The following PLCG2 variants were observed in gnomAD, a reference collection of about 807,000 sequenced individuals.
PLCG2 encodes the protein 1-phosphatidylinositol 4,5-bisphosphate phosphodiesterase gamma-2.
PLCG2 carries 69 observed loss-of-function variants against 175.6 expected under a neutral mutation model. The ratio of observed to expected loss-of-function variants is 0.39; its 90% CI spans 0.32 to 0.48. The LOEUF (loss-of-function observed/expected upper bound fraction) is 0.48. Ranked by LOEUF, PLCG2 falls within the 20% of genes least tolerant of loss-of-function variation. PLCG2 has a pLI of 0.91. For synonymous variants in PLCG2, 827 were observed against 624.0 expected, an observed-to-expected ratio of 1.33 and a Z score of -4.85; for missense variants, 1,798 against 1,650.9, an observed-to-expected ratio of 1.09 and a Z score of -1.54.
At chr16:81,955,055 C>G (rs879885680) in intron 31 of PLCG2, among the ~76,000 whole-genome samples, 3 of 152,190 alleles carry the variant, frequency 2.0e-5, no homozygotes, top group Non-Finnish European at 4.4e-5. Flanking sequence ...AAAGTCATTA[C>G]TAAGTGAAGT....
At chr16:81,934,300 A>G (rs1910619480) in intron 25 of PLCG2, 129 bp from the exon 26 acceptor site, 4 of 633,718 alleles carry the variant, frequency 6.3e-6, no homozygotes, top group Non-Finnish European at 1.1e-5. Context: ...GGAAAGGAAA[A>G]CATTCAACCA....
chr16:81,952,608 T>C (rs1243082584), intron 31 of PLCG2, among the ~76,000 whole-genome samples: 2 of 152,174 alleles, frequency 1.3e-5, no homozygotes, highest in African/African-American at 4.8e-5. Flanking sequence ...CTGGAACCAT[T>C]TGCATAGCAA....
chr16:81,863,640 G>T (rs1260013873), intron 5 of PLCG2, among the ~76,000 whole-genome samples: 1 of 152,198 alleles, frequency 6.6e-6, no homozygotes, highest in Non-Finnish European at 1.5e-5. Flanking sequence ...TTATTTTGCC[G>T]GATTGCTATA....
intron 29 of PLCG2, among the ~76,000 whole-genome samples, chr16:81,939,609 A>G (rs964790163): frequency 5.5e-5 from 8 of 145,214 alleles, no homozygotes; most frequent in Admixed American, 5.4e-4. Flanking sequence ...TCTGCAAACA[A>G]ACACCTCCCC....
intron 15 of PLCG2, 63 bp from the exon 16 acceptor site, chr16:81,907,622 C>T: frequency 8.3e-7 from 1 of 1,204,582 alleles, no homozygotes; most frequent in Non-Finnish European, 1.2e-6. Context: ...TGCAGGGCTC[C>T]TGGGCTCCAC....
At chr16:81,762,252 AT>A (rs1423518167) in intron 2 of PLCG2, among the ~76,000 whole-genome samples, 2 of 152,326 alleles carry the variant, frequency 1.3e-5, no homozygotes, top group East Asian at 3.9e-4. Context: ...TGTTGCTATT[AT>A]TTTTTTAAAA....
intron 2 of PLCG2, 41 bp downstream of exon 2, chr16:81,786,223 GGGCCCTGGCC>G: frequency 6.4e-7 from 1 of 1,563,074 alleles, no homozygotes; most frequent in Non-Finnish European, 8.8e-7. Flanking sequence ...CCGTCCTCTG[GGGCCCTGGCC>G]TGAGCACCTG....
In PLCG2 at chr16:81,931,548, C is replaced by G. The variant is rs1273186870; in HGVS notation, c.2633C>G (p.Pro878Arg). The G allele has an allele frequency of 6.2e-7, 1 of 1,614,018 alleles. No individual in the cohort carries two copies. Reference sequence around the variant, plus strand: ...AAGTCCTTTGTCTTCATCCTGGAGCCCAAGCAGCAGGGCGATCCTCCGGTG... The same window carrying G: ...AAGTCCTTTGTCTTCATCCTGGAGCGCAAGCAGCAGGGCGATCCTCCGGTG... Reference protein sequence around the residue: ...NQKSFVFILEPKQQGDPPVEF... With the variant: ...NQKSFVFILERKQQGDPPVEF... Residue 878 changes from proline (P) to arginine (R), a missense_variant, in exon 25 of 33, where the codon CCC becomes CGC. Pro to Arg is a moderately radical substitution (Grantham distance 103, BLOSUM62 -2). Coordinates refer to ENST00000564138, the MANE Select transcript of PLCG2 (RefSeq NM_002661.5).
At chr16:81,827,650 G>C (rs1417880894) in intron 2 of PLCG2, among the ~76,000 whole-genome samples, 1 of 152,112 alleles carries the variant, frequency 6.6e-6, no homozygotes, top group Non-Finnish European at 1.5e-5. Context: ...AAGTTCTAAG[G>C]GTGGTGGGAA....
intron 31 of PLCG2, among the ~76,000 whole-genome samples, chr16:81,946,697 G>A (rs945417292): frequency 1.3e-5 from 2 of 152,192 alleles, no homozygotes; most frequent in Non-Finnish European, 2.9e-5. Flanking sequence ...TGAGCATTTA[G>A]ATGGAATCCA....
intron 1 of PLCG2, among the ~76,000 whole-genome samples, chr16:81,784,257 T>A (rs2143166443): frequency 6.6e-6 from 1 of 152,342 alleles, no homozygotes; most frequent in Admixed American, 6.5e-5. Flanking sequence ...CCCACCTCAG[T>A]GCCTGGCATA....
chr16:81,954,902 G>A (rs1911505945), intron 31 of PLCG2, among the ~76,000 whole-genome samples: 1 of 152,110 alleles, frequency 6.6e-6, no homozygotes, highest in Admixed American at 6.5e-5. Context: ...CTAGATCCTT[G>A]AGGAACCACC....
At chr16:81,811,040 A>G (rs11150414) in intron 2 of PLCG2, among the ~76,000 whole-genome samples, 91,306 of 152,084 alleles carry the variant, frequency 0.6, 28,456 homozygotes, top group East Asian at 0.91. Context: ...CTAAGGCCAC[A>G]TTTAACCTGT....
intron 9 of PLCG2, among the ~76,000 whole-genome samples, chr16:81,885,404 C>T (rs930449180): frequency 2.6e-5 from 4 of 152,176 alleles, no homozygotes; most frequent in Non-Finnish European, 4.4e-5. Flanking sequence ...GCTCAAGTGA[C>T]TCACCTGTCT....
In PLCG2 at chr16:81,883,635, G is replaced by C. The variant is rs537315351; in HGVS notation, c.765+294G>C. ...AGATGGCAGGGCAGGAGGGGTGAGG[G>C]CCTGAGGATGGGGCTGCCCTCACCT... On this transcript the variant is annotated intron_variant, in intron 9 of 32. Coordinates refer to ENST00000564138, the MANE Select transcript of PLCG2 (RefSeq NM_002661.5). The C allele has an allele frequency of 1.0e-3, 461 of 459,142 alleles. 5 individuals carry two copies. Among genetic ancestry groups the C allele is most frequent in the South Asian group, 9.8e-3 (439 of 44,606 alleles). The allele number at this position is 459,142 out of a possible 1,614,324, so 28.4% of individuals were successfully genotyped here.
At chr16:81,946,397 C>A in intron 31 of PLCG2, 134 bp downstream of exon 31, 1 of 667,986 alleles carries the variant, frequency 1.5e-6, no homozygotes, top group Non-Finnish European at 2.7e-6. Context: ...AGACATCATA[C>A]AAGAATTCCT....
intron 2 of PLCG2, among the ~76,000 whole-genome samples, chr16:81,770,081 T>G (rs1403692995): frequency 6.6e-6 from 1 of 152,118 alleles, no homozygotes; most frequent in Non-Finnish European, 1.5e-5. Context: ...TTCCAAATGC[T>G]TTCTCTCCAC....
intron 9 of PLCG2, among the ~76,000 whole-genome samples, chr16:81,883,895 C>A (rs1173577815): frequency 6.6e-6 from 1 of 152,220 alleles, no homozygotes; most frequent in African/African-American, 2.4e-5. Context: ...CCTTGGTTTT[C>A]CACTGCTGTG....
chr16:81,834,864 C>T (rs1905432998), intron 2 of PLCG2, among the ~76,000 whole-genome samples: 1 of 152,218 alleles, frequency 6.6e-6, no homozygotes, highest in Non-Finnish European at 1.5e-5. Flanking sequence ...TTATGGCTAA[C>T]TCTGGATTCC....
Sources: gnomAD v4.1 joint callset for allele counts (sites outside exome capture counted in the v4.1 genomes callset) on GRCh38, gnomAD v4.1.1 for gene constraint, MANE v1.5 for transcripts, NCBI Gene and HGNC (gene_info 2026-07-23, HGNC 2026-07-21) for gene names.